ANKS1B: variants seen among roughly 807,000 people sequenced by gnomAD.
ANKS1B encodes the protein ankyrin repeat and sterile alpha motif domain-containing protein 1B.
In ANKS1B, 36 loss-of-function variants were observed where a neutral mutation model predicts 148.3. The observed-to-expected ratio is 0.24, with a 90% CI of 0.19 to 0.32. The LOEUF (loss-of-function observed/expected upper bound fraction) is 0.32, where lower values mean the gene tolerates loss of function less well. Among genes scored for constraint, ANKS1B ranks in the 10% least tolerant of loss-of-function variants. The pLI, the probability that ANKS1B is intolerant of heterozygous loss-of-function variation, is 1.00. For synonymous variants in ANKS1B, 542 were observed against 560.8 expected (o/e 0.97, Z 0.47); for missense variants, 1,157 against 1,542.6 (o/e 0.75, Z 4.19).
At chr12:99,306,797 T>G in intron 12 of ANKS1B, among the ~76,000 whole-genome samples, 1 of 152,268 alleles carries the variant, frequency 6.6e-6, no homozygotes, top group East Asian at 1.9e-4. Flanking sequence ...CTAGTGTTCA[T>G]TTTCACATAT....
intron 4 of ANKS1B, among the ~76,000 whole-genome samples, chr12:99,791,952 C>T (rs549127612): frequency 1.3e-5 from 2 of 151,276 alleles, no homozygotes; most frequent in Admixed American, 1.3e-4. Context: ...GACAACAGAT[C>T]AACAAAACAA....
Position 99,072,587 on chromosome 12 carries a change from C to T in ANKS1B, c.2625+12338G>A, listed in dbSNP as rs76024262. 4.0e-3 allele frequency among the ~76,000 whole-genome samples: 616 copies of T among 152,210 alleles called. 24 individuals carry two copies. The East Asian group carries it at 0.085, about 21-fold the overall frequency. ...AAGATGACTTAAGTGGATTATTTAG[C>T]TTACTCATCTCATTATCCCCTTAGT... is the stretch of plus-strand genomic sequence containing the variant. On this transcript the variant is annotated intron_variant, in intron 16 of 26. Transcript: ENST00000683438.
intron 9 of ANKS1B, among the ~76,000 whole-genome samples, chr12:99,525,990 C>G (rs902109548): frequency 1.3e-5 from 2 of 151,536 alleles, no homozygotes; most frequent in Non-Finnish European, 2.9e-5. Context: ...AGACCATCAA[C>G]CTAAGAGAAA....
chr12:99,228,881 C>A (rs1432329814), intron 14 of ANKS1B, among the ~76,000 whole-genome samples: 1 of 151,840 alleles, frequency 6.6e-6, no homozygotes, highest in Non-Finnish European at 1.5e-5. Context: ...GCATTGATAC[C>A]TATAAAGTTT....
intron 14 of ANKS1B, among the ~76,000 whole-genome samples, chr12:99,203,785 T>C (rs1328780271): frequency 6.6e-6 from 1 of 152,202 alleles, no homozygotes; most frequent in African/African-American, 2.4e-5. Flanking sequence ...ATATATCCTG[T>C]GTTTATCTCT....
At chr12:98,862,298 G>A (rs1017186780) in intron 17 of ANKS1B, among the ~76,000 whole-genome samples, 6 of 152,114 alleles carry the variant, frequency 3.9e-5, no homozygotes, top group African/African-American at 1.4e-4. Context: ...TATTGCGGGA[G>A]AGTTATTTAT....
chr12:98,797,491 G>A (rs2098960521), intron 22 of ANKS1B, among the ~76,000 whole-genome samples: 1 of 152,172 alleles, frequency 6.6e-6, no homozygotes, highest in African/African-American at 2.4e-5. Flanking sequence ...ATGAATAACA[G>A]GTGACTCCTA....
At chr12:99,544,132 A>G (rs1258078010) in intron 9 of ANKS1B, among the ~76,000 whole-genome samples, 2 of 152,190 alleles carry the variant, frequency 1.3e-5, no homozygotes, top group Middle Eastern at 3.2e-3. Context: ...TTCTTTAAAA[A>G]AAAACTACCT....
intron 10 of ANKS1B, among the ~76,000 whole-genome samples, chr12:99,467,903 A>G (rs2096157712): frequency 6.6e-6 from 1 of 152,200 alleles, no homozygotes; most frequent in Non-Finnish European, 1.5e-5. Flanking sequence ...CCATCAAGCT[A>G]CCAATGACTT....
chr12:98,756,128 G>A (rs1173408118), intron 25 of ANKS1B, among the ~76,000 whole-genome samples: 3 of 152,094 alleles, frequency 2.0e-5, no homozygotes, highest in Non-Finnish European at 4.4e-5. Context: ...ATATTGTTTA[G>A]CTGTGTCCCC....
intron 17 of ANKS1B, among the ~76,000 whole-genome samples, chr12:98,959,406 T>A (rs1262161466): frequency 6.6e-6 from 1 of 152,126 alleles, no homozygotes; most frequent in Non-Finnish European, 1.5e-5. Flanking sequence ...TGGGTGGGCA[T>A]GTGTCTCTTC....
intron 8 of ANKS1B, among the ~76,000 whole-genome samples, chr12:99,742,135 A>G (rs980883910): frequency 2.7e-5 from 4 of 147,542 alleles, no homozygotes; most frequent in Admixed American, 6.7e-5. Context: ...GAGGATCAGG[A>G]AAAAAAAAAC....
At chr12:98,776,676 A>C (rs1266487818) in intron 24 of ANKS1B, among the ~76,000 whole-genome samples, 1 of 152,148 alleles carries the variant, frequency 6.6e-6, no homozygotes, top group African/African-American at 2.4e-5. Context: ...CACTGCATTC[A>C]ATCTGAGCCC....
intron 12 of ANKS1B, among the ~76,000 whole-genome samples, chr12:99,392,799 C>A (rs574054769): frequency 1.3e-5 from 2 of 152,240 alleles, no homozygotes; most frequent in South Asian, 4.2e-4. Context: ...CTCTTTACTT[C>A]TGATAAGCAT....
chr12:98,915,487 G>A (rs2099793083), intron 17 of ANKS1B, among the ~76,000 whole-genome samples: 1 of 152,126 alleles, frequency 6.6e-6, no homozygotes, highest in African/African-American at 2.4e-5. Context: ...GAGTAGCTGG[G>A]ACTACAGGCA....
At chr12:99,968,444 G>T (rs1229468694) in intron 1 of ANKS1B, among the ~76,000 whole-genome samples, 1 of 152,154 alleles carries the variant, frequency 6.6e-6, no homozygotes, top group Non-Finnish European at 1.5e-5. Context: ...TGTAGTCCCG[G>T]CTACTCGGGA....
chr12:99,620,830 A>G (rs1406920738), intron 9 of ANKS1B, among the ~76,000 whole-genome samples: 1 of 152,218 alleles, frequency 6.6e-6, no homozygotes, highest in Non-Finnish European at 1.5e-5. Context: ...ATGTGAAAAC[A>G]TATTTAAGGG....
At chr12:99,397,266 T>A (rs1463915611) in intron 12 of ANKS1B, among the ~76,000 whole-genome samples, 1 of 152,110 alleles carries the variant, frequency 6.6e-6, no homozygotes, top group African/African-American at 2.4e-5. Context: ...CAGTACAGGG[T>A]AAGTTAATCT....
At chr12:98,887,032 T>C (rs2099741670) in intron 17 of ANKS1B, among the ~76,000 whole-genome samples, 1 of 152,144 alleles carries the variant, frequency 6.6e-6, no homozygotes, top group African/African-American at 2.4e-5. Context: ...GAAGAAGATA[T>C]ACTAAAGGGC....
Sources: gnomAD v4.1 joint callset for allele counts (sites outside exome capture counted in the v4.1 genomes callset) on GRCh38, gnomAD v4.1.1 for gene constraint, MANE v1.5 for transcripts, NCBI Gene and HGNC (gene_info 2026-07-23, HGNC 2026-07-21) for gene names.